The following GPR143 variants were observed in gnomAD, a reference collection of about 807,000 sequenced individuals.
The protein encoded by GPR143 is G protein-coupled receptor 143, also known as G-protein coupled receptor 143.
A neutral mutation model predicts 27.6 loss-of-function variants in GPR143; 8 were observed. That is an observed-to-expected ratio of 0.29 (90% confidence interval 0.17 to 0.52). The LOEUF (loss-of-function observed/expected upper bound fraction) is 0.52, where lower values mean the gene tolerates loss of function less well. Ranked by LOEUF, GPR143 falls within the 20% of genes least tolerant of loss-of-function variation. The probability of loss-of-function intolerance (pLI) is 0.96; values close to 1 mark genes in which losing one functional copy is unlikely to be tolerated. For missense variants in GPR143, 303 were observed against 343.1 expected, an observed-to-expected ratio of 0.88 and a Z score of 0.92; for synonymous variants, 156 against 153.2, an observed-to-expected ratio of 1.02 and a Z score of -0.13.
Position 9,739,673 on chromosome X carries a change from T to C in GPR143, c.932A>G (p.Tyr311Cys). 8.4e-7 allele frequency: 1 copy of C among 1,192,477 alleles called. No homozygotes were observed. Among genetic ancestry groups the C allele is most frequent in the Non-Finnish European group, 1.1e-6 (1 of 884,218 alleles). ...AQGFLLSLAFYGWTGCSLGFQ... is the reference protein window; with the variant it reads ...AQGFLLSLAFCGWTGCSLGFQ... ...ACCCAGGCTGCATCCTGTCCAGCCG[T>C]AGAAGGCCAAAGACAAGAGAAATCC... Residue 311 changes from tyrosine to cysteine, a missense_variant, in exon 8 of 9, where the codon TAC becomes TGC. Coordinates refer to ENST00000467482, the MANE Select transcript of GPR143 (RefSeq NM_000273.3).
chrX:9,728,010 A>G (rs1018840381), intron 8 of GPR143, among the ~76,000 whole-genome samples: 1 of 112,590 alleles, frequency 8.9e-6, no homozygotes, highest in Non-Finnish European at 1.9e-5. Context: ...CGTCATGCTC[A>G]GGAAGACTCT....
At position 9,746,106 on chromosome X, in the gene GPR143, T is replaced by G; in HGVS notation, c.596A>C (p.Tyr199Ser). Residue 199 changes from tyrosine (Y) to serine (S), a missense_variant, in exon 5 of 9, where the codon TAC becomes TCC. Transcript: ENST00000467482. Reference sequence around the variant, plus strand: ...CACGAGAACCAGCAGCAGGGGCAGGTACATGGTGACATAGTGGGGGATGGC... The same window carrying G: ...CACGAGAACCAGCAGCAGGGGCAGGGACATGGTGACATAGTGGGGGATGGC... ...DHAIPHYVTMYLPLLLVLVAN... is the reference protein window; with the variant it reads ...DHAIPHYVTMSLPLLLVLVAN... 3.3e-6 allele frequency: 4 copies of G among 1,204,763 alleles called. No homozygotes were observed. The highest frequency in any genetic ancestry group is 4.5e-6 in the Non-Finnish European group (4 of 889,125).
At chrX:9,750,958 C>G (rs1321883781) in intron 3 of GPR143, among the ~76,000 whole-genome samples, 1 of 112,754 alleles carries the variant, frequency 8.9e-6, no homozygotes, top group Admixed American at 9.4e-5. Context: ...ACAGCACTCG[C>G]CAGGTGCTCC....
At chrX:9,734,447 G>A (rs1265410810) in intron 8 of GPR143, among the ~76,000 whole-genome samples, 1 of 111,275 alleles carries the variant, frequency 9.0e-6, no homozygotes, top group Non-Finnish European at 1.9e-5. Context: ...TGGAATTGGG[G>A]GAGATAAAAG....
At chrX:9,765,519 C>T in intron 1 of GPR143, 49 bp downstream of exon 1, 2 of 1,054,853 alleles carry the variant, frequency 1.9e-6, no homozygotes, top group Admixed American at 3.4e-5. Context: ...CACGCGCCCT[C>T]ACCCAGGCGC....
chrX:9,729,763 G>C (rs2083344986), intron 8 of GPR143, among the ~76,000 whole-genome samples: 1 of 111,875 alleles, frequency 8.9e-6, no homozygotes, highest in African/African-American at 3.3e-5. Context: ...GTGACCTCAT[G>C]GTACCCAAGG....
At chrX:9,770,044 C>T (rs1208037237), upstream of GPR143, among the ~76,000 whole-genome samples, 1 of 106,238 alleles carries the variant, frequency 9.4e-6, no homozygotes, top group East Asian at 3.0e-4. Flanking sequence ...GGTGCAGTGG[C>T]TTATGTCTGT....
rs2083321482 is a variant in GPR143 at position 9,725,568 on chromosome X, GA to G, written c.*177del. On this transcript the variant is annotated 3_prime_UTR_variant, in exon 9 of 9. Coordinates refer to ENST00000467482, the MANE Select transcript of GPR143 (RefSeq NM_000273.3). Reference sequence around the variant, plus strand: ...CTTCCATTCTCACACGTGTGTGCATGAACCCTTTCTCCTATCCTAAAGGCCC... The same window carrying G: ...CTTCCATTCTCACACGTGTGTGCATGACCCTTTCTCCTATCCTAAAGGCCC... 2.3e-6 allele frequency: 1 copy of G among 439,594 alleles called. No individual in the cohort carries two copies. The highest frequency in any genetic ancestry group is 3.3e-5 in the South Asian group (1 of 30,304). The allele number at this position is 439,594 out of a possible 1,213,427, so 36.2% of individuals were successfully genotyped here.
At chrX:9,761,451 A>G (rs920735737) in intron 1 of GPR143, among the ~76,000 whole-genome samples, 6 of 112,528 alleles carry the variant, frequency 5.3e-5, no homozygotes, top group Non-Finnish European at 7.5e-5. Flanking sequence ...CGCAAACCAT[A>G]GTTGGCCACA....
At chrX:9,742,561 G>T (rs760643387) in intron 6 of GPR143, among the ~76,000 whole-genome samples, 29 of 112,037 alleles carry the variant, frequency 2.6e-4, no homozygotes, top group Non-Finnish European at 3.8e-4. Flanking sequence ...ATAAGTACTT[G>T]CCCTGCCTGC....
intron 8 of GPR143, among the ~76,000 whole-genome samples, chrX:9,737,895 G>A (rs2083385651): frequency 9.0e-6 from 1 of 111,059 alleles, no homozygotes; most frequent in East Asian, 2.8e-4. Flanking sequence ...AGCTACTCAG[G>A]AGACTCAGGT....
intron 6 of GPR143, among the ~76,000 whole-genome samples, chrX:9,742,107 A>T (rs951777579): frequency 8.9e-6 from 1 of 111,899 alleles, no homozygotes; most frequent in Non-Finnish European, 1.9e-5. Context: ...TTTCATGGAG[A>T]TCAAAACAAT....
intron 8 of GPR143, among the ~76,000 whole-genome samples, chrX:9,734,713 G>A (rs1435613273): frequency 8.9e-6 from 1 of 111,979 alleles, no homozygotes; most frequent in African/African-American, 3.3e-5. Flanking sequence ...GAAATGCCCT[G>A]CTCTTAGTAG....
intron 5 of GPR143, among the ~76,000 whole-genome samples, chrX:9,743,885 A>C (rs1186131520): frequency 1.8e-5 from 2 of 112,697 alleles, no homozygotes; most frequent in African/African-American, 6.5e-5. Flanking sequence ...CTTTGAAATA[A>C]TTTTAGATTT....
At chrX:9,736,531 C>A (rs1476585014) in intron 8 of GPR143, among the ~76,000 whole-genome samples, 1 of 111,391 alleles carries the variant, frequency 9.0e-6, no homozygotes, top group African/African-American at 3.3e-5. Flanking sequence ...CTCAAACGAT[C>A]CTCCTTCCTC....
intron 8 of GPR143, among the ~76,000 whole-genome samples, chrX:9,733,197 C>T (rs112404372): frequency 0.04 from 4,402 of 110,162 alleles, 214 homozygotes; most frequent in African/African-American, 0.14. Flanking sequence ...TTGTGGGAGA[C>T]GCAAGGTATT....
intron 1 of GPR143, among the ~76,000 whole-genome samples, chrX:9,761,371 G>C (rs754130892): frequency 8.9e-6 from 1 of 112,692 alleles, no homozygotes; most frequent in South Asian, 3.6e-4. Context: ...GATGACAGGC[G>C]TGAGCCACCG....
At chrX:9,765,453 A>C in intron 1 of GPR143, 115 bp downstream of exon 1, 1 of 746,937 alleles carries the variant, frequency 1.3e-6, no homozygotes, top group East Asian at 5.1e-5. Flanking sequence ...GAACAGGTCC[A>C]AATCCACAGG....
At chrX:9,755,877 C>T (rs1425518536) in intron 3 of GPR143, among the ~76,000 whole-genome samples, 1 of 112,039 alleles carries the variant, frequency 8.9e-6, no homozygotes, top group Non-Finnish European at 1.9e-5. Flanking sequence ...TTCACTGATA[C>T]ACCTAATTGG....
Sources: allele counts gnomAD v4.1 joint callset (sites outside exome capture counted in the v4.1 genomes callset), GRCh38; gene constraint gnomAD v4.1.1; transcripts MANE v1.5; gene names NCBI Gene and HGNC (gene_info 2026-07-23, HGNC 2026-07-21).